Variants in RBFOX1 observed in about 807,000 individuals in gnomAD.
RBFOX1 encodes RNA binding fox-1 homolog 1.
Under a neutral mutation model 57.7 loss-of-function variants are expected in RBFOX1, and 8 were observed. That is an observed-to-expected ratio of 0.14 (90% CI 0.08 to 0.25). RBFOX1 has a LOEUF of 0.25. Ranked by LOEUF, RBFOX1 falls within the 10% of genes least tolerant of loss-of-function variation. RBFOX1 has a pLI of 1.00. For synonymous variants in RBFOX1, 326 were observed against 222.4 expected (o/e 1.47, Z -4.15); for missense variants, 611 against 548.5 (o/e 1.11, Z -1.14).
At chr16:6,215,442 A>C (rs1032360288) in intron 1 of RBFOX1, among the ~76,000 whole-genome samples, 3 of 125,854 alleles carry the variant, frequency 2.4e-5, no homozygotes, top group African/African-American at 9.7e-5. Flanking sequence ...CAGGGAGAGA[A>C]GGAGAGAAAG....
At chr16:6,796,062 A>G (rs527453849) in intron 3 of RBFOX1, among the ~76,000 whole-genome samples, 1 of 152,156 alleles carries the variant, frequency 6.6e-6, no homozygotes, top group Admixed American at 6.5e-5. Context: ...GGCAATTTAC[A>G]AAAGAAAGAG....
At chr16:5,455,138 C>A (rs978027344) in intron 1 of RBFOX1, among the ~76,000 whole-genome samples, 8 of 151,154 alleles carry the variant, frequency 5.3e-5, no homozygotes, top group Non-Finnish European at 5.9e-5. Context: ...TATAACAGGC[C>A]ACAATCAGAA....
At chr16:5,529,518 T>A (rs922777268) in intron 2 of RBFOX1, among the ~76,000 whole-genome samples, 2 of 150,592 alleles carry the variant, frequency 1.3e-5, no homozygotes, top group African/African-American at 4.9e-5. Flanking sequence ...TGCCTCAGCC[T>A]CCCATGTAGC....
intron 4 of RBFOX1, among the ~76,000 whole-genome samples, chr16:7,428,157 G>A (rs997145475): frequency 1.5e-4 from 23 of 152,088 alleles, no homozygotes; most frequent in Middle Eastern, 3.4e-3. Flanking sequence ...GATGTATCAC[G>A]TTGCATGATA....
At chr16:6,764,728 G>A (rs1159818265) in intron 3 of RBFOX1, among the ~76,000 whole-genome samples, 3 of 152,244 alleles carry the variant, frequency 2.0e-5, no homozygotes, top group African/African-American at 7.2e-5. Context: ...CTTGAGGTCA[G>A]GTGTACGAGA....
intron 4 of RBFOX1, among the ~76,000 whole-genome samples, chr16:7,346,749 G>A (rs944426876): frequency 3.9e-5 from 6 of 152,114 alleles, no homozygotes; most frequent in African/African-American, 1.2e-4. Context: ...TGGGTTGACT[G>A]AAGACCCATA....
chr16:6,256,022 C>T (rs1298886685), intron 1 of RBFOX1, among the ~76,000 whole-genome samples: 1 of 150,456 alleles, frequency 6.6e-6, no homozygotes, highest in African/African-American at 2.4e-5. Flanking sequence ...CCTGCACATT[C>T]TGCATGTGTA....
intron 1 of RBFOX1, among the ~76,000 whole-genome samples, chr16:6,028,271 G>A (rs889352974): frequency 6.6e-6 from 1 of 152,166 alleles, no homozygotes; most frequent in Non-Finnish European, 1.5e-5. Context: ...GAGGGAGTGT[G>A]TGCATGCAGA....
At chr16:6,179,218 C>A (rs797017039) in intron 1 of RBFOX1, among the ~76,000 whole-genome samples, 12 of 152,226 alleles carry the variant, frequency 7.9e-5, no homozygotes, top group African/African-American at 2.9e-4. Context: ...CTGTCTTCTC[C>A]CTTTAACTAT....
At chr16:5,557,528 T>C (rs1480371155) in intron 2 of RBFOX1, among the ~76,000 whole-genome samples, 1 of 152,012 alleles carries the variant, frequency 6.6e-6, no homozygotes, top group African/African-American at 2.4e-5. Flanking sequence ...GTGACTGTGA[T>C]GGGGAGCAGG....
intron 3 of RBFOX1, among the ~76,000 whole-genome samples, chr16:5,760,402 A>G (rs1021352352): frequency 1.3e-5 from 2 of 152,164 alleles, no homozygotes; most frequent in African/African-American, 4.8e-5. Flanking sequence ...ATACACACAC[A>G]CATACATATA....
At chr16:6,752,366 G>A (rs141953785) in intron 3 of RBFOX1, among the ~76,000 whole-genome samples, 9 of 152,256 alleles carry the variant, frequency 5.9e-5, no homozygotes, top group East Asian at 5.8e-4. Flanking sequence ...AATATGCTGT[G>A]TCCATATGAG....
chr16:7,652,265 G>A (rs982298175), intron 11 of RBFOX1, among the ~76,000 whole-genome samples: 1 of 152,184 alleles, frequency 6.6e-6, no homozygotes, highest in African/African-American at 2.4e-5. Flanking sequence ...GCATGAAATG[G>A]GAGGAAGGGA....
In RBFOX1 at chr16:6,397,892, C is replaced by T. The variant is rs79019869; in HGVS notation, c.-64+80835C>T. Among the ~76,000 whole-genome samples, 192 of 151,900 alleles carry T rather than the reference C, an allele frequency of 1.3e-3. 1 individual carries two copies. Among genetic ancestry groups the T allele is most frequent in the East Asian group, 5.4e-3 (28 of 5,172 alleles). On this transcript the variant is annotated intron_variant, in intron 2 of 15. Coordinates refer to ENST00000550418, the MANE Select transcript of RBFOX1 (RefSeq NM_018723.4). ...ACAAAAGTGTATAGTGAGAAAGATA[C>T]GGAAGGAACTAAAATGAAATAATAG...
chr16:7,107,365 C>G lies in RBFOX1; in HGVS notation c.27+55267C>G, dbSNP rs73542461. Among the ~76,000 whole-genome samples, 259 of 152,238 alleles carry G rather than the reference C, an allele frequency of 1.7e-3. 2 individuals are homozygous for G. Among genetic ancestry groups the G allele is most frequent in the African/African-American group, 5.3e-3 (222 of 41,560 alleles). ...AGCATATTCTGGGGTATTATTAGCT[C>G]AAACTGGAAGGGGGCCACTCTAGGG... On this transcript the variant is annotated intron_variant, in intron 4 of 15. Coordinates refer to ENST00000550418, the MANE Select transcript of RBFOX1 (RefSeq NM_018723.4).
intron 4 of RBFOX1, among the ~76,000 whole-genome samples, chr16:7,244,791 G>C (rs1449954278): frequency 6.6e-6 from 1 of 152,196 alleles, no homozygotes; most frequent in Non-Finnish European, 1.5e-5. Context: ...GGCAGGCTGG[G>C]TCATCAGACA....
At chr16:5,857,620 T>C (rs1303222599) in intron 3 of RBFOX1, among the ~76,000 whole-genome samples, 2 of 152,186 alleles carry the variant, frequency 1.3e-5, no homozygotes, top group South Asian at 2.1e-4. Context: ...GAATCCCCTG[T>C]TGTTAGACAG....
Position 6,508,528 on chromosome 16 carries a change from G to C in RBFOX1, c.-63-146075G>C, listed in dbSNP as rs560642785. ...TAAAACCTTCCAAAGGTGTCCTACT[G>C]TGCTTAGAAAGAGAGAAAAAATGAC... On this transcript the variant is annotated intron_variant, in intron 2 of 15. Coordinates refer to ENST00000550418, the MANE Select transcript of RBFOX1 (RefSeq NM_018723.4). Among the ~76,000 whole-genome samples, 47 of 152,196 alleles carry C rather than the reference G, an allele frequency of 3.1e-4. 1 individual carries two copies. The South Asian group carries it at 9.3e-3, about 30-fold the overall frequency.
chr16:6,335,093 C>G (rs112714291), intron 2 of RBFOX1, among the ~76,000 whole-genome samples: 5 of 152,202 alleles, frequency 3.3e-5, no homozygotes, highest in African/African-American at 1.2e-4. Flanking sequence ...GAACATTTTT[C>G]TGCAGTTTTG....
Sources: gnomAD v4.1 joint callset for allele counts (sites outside exome capture counted in the v4.1 genomes callset) on GRCh38, gnomAD v4.1.1 for gene constraint, MANE v1.5 for transcripts, NCBI Gene and HGNC (gene_info 2026-07-23, HGNC 2026-07-21) for gene names.